Variants in SMARCA2 observed in about 807,000 individuals in gnomAD.
The protein encoded by SMARCA2 is SWI/SNF related BAF chromatin remodeling complex subunit ATPase 2, also known as SWI/SNF-related matrix-associated actin-dependent regulator of chromatin subfamily A member 2.
SMARCA2 carries 61 observed loss-of-function variants against 199.8 expected under a neutral mutation model. That is an observed-to-expected ratio of 0.31 (90% CI 0.25 to 0.38). The LOEUF is 0.38. Ranked by LOEUF, SMARCA2 falls within the 10% of genes least tolerant of loss-of-function variation. The pLI, the probability that SMARCA2 is intolerant of heterozygous loss-of-function variation, is 1.00. For missense variants in SMARCA2, 1,344 were observed against 2,012.2 expected, an observed-to-expected ratio of 0.67 and a Z score of 6.35; for synonymous variants, 935 against 732.0, an observed-to-expected ratio of 1.28 and a Z score of -4.48.
chr9:2,145,754 G>C (rs747122421), intron 27 of SMARCA2, among the ~76,000 whole-genome samples: 1 of 152,218 alleles, frequency 6.6e-6, no homozygotes, highest in Non-Finnish European at 1.5e-5. Context: ...TGTTTTTACA[G>C]TATCTAGTTT....
chr9:2,053,580 A>C (rs1380278915), intron 5 of SMARCA2, among the ~76,000 whole-genome samples: 1 of 152,212 alleles, frequency 6.6e-6, no homozygotes, highest in African/African-American at 2.4e-5. Flanking sequence ...AGAGAGAGAC[A>C]ATTAAATAAC....
At chr9:2,059,842 TG>T (rs1262580820) in intron 8 of SMARCA2, among the ~76,000 whole-genome samples, 1 of 152,180 alleles carries the variant, frequency 6.6e-6, no homozygotes, top group Non-Finnish European at 1.5e-5. Flanking sequence ...GCAATGGAGT[TG>T]CCTCTTAAAG....
At chr9:2,099,183 T>G (rs1249395205) in intron 21 of SMARCA2, among the ~76,000 whole-genome samples, 1 of 152,204 alleles carries the variant, frequency 6.6e-6, no homozygotes, top group East Asian at 1.9e-4. Context: ...ACTGATGATG[T>G]GTTATATCAG....
rs373813984 is a variant in SMARCA2, at chr9:2,163,660, G to A, written c.4199+1757G>A. Among the ~76,000 whole-genome samples, 8 of 152,316 alleles carry A rather than the reference G, an allele frequency of 5.3e-5. 1 individual carries two copies. The East Asian group carries it at 1.5e-3, about 29-fold the overall frequency. ...TTTTTTGCCTTTGTCTCAGGAGAGT[G>A]TAACGTCTGTTTCTCTGACCAGATG... On this transcript the variant is annotated intron_variant, in intron 28 of 33. Transcript: ENST00000349721.
rs759294870 is a variant in SMARCA2, at chr9:2,170,446, T to C, written c.4227T>C (p.Asn1409=). 6.2e-7 allele frequency: 1 copy of C among 1,614,072 alleles called. No homozygotes were observed. Among genetic ancestry groups the C allele is most frequent in the Non-Finnish European group, 8.5e-7 (1 of 1,179,990 alleles). The change falls in exon 29 of 34, where the codon AAT becomes AAC. Residue 1409 remains asparagine, a synonymous_variant. Coordinates refer to ENST00000349721, the MANE Select transcript of SMARCA2 (RefSeq NM_003070.5). This position sits in a 1 kb window ranked among gnomAD's most constrained non-coding sequence, Gnocchi z 4.7. ...DRCNVEKVPS[N]SQLEIEGNSS... Reference sequence around the variant, plus strand: ...GTAACGTGGAGAAGGTGCCCAGTAATTCTCAGTTGGAAATAGAAGGAAACA... The same window carrying C: ...GTAACGTGGAGAAGGTGCCCAGTAACTCTCAGTTGGAAATAGAAGGAAACA...
intron 27 of SMARCA2, among the ~76,000 whole-genome samples, chr9:2,147,373 G>T (rs1586754334): frequency 6.6e-6 from 1 of 152,012 alleles, no homozygotes; most frequent in East Asian, 1.9e-4. Flanking sequence ...ATTCATTAGG[G>T]TGAGAAAATA....
intron 21 of SMARCA2, among the ~76,000 whole-genome samples, chr9:2,100,723 T>C (rs1348776957): frequency 6.6e-6 from 1 of 151,638 alleles, no homozygotes; most frequent in African/African-American, 2.4e-5. Context: ...AAAGAAAAGA[T>C]TTCACCGAAC....
chr9:2,180,284 C>T (rs993286257), intron 29 of SMARCA2, among the ~76,000 whole-genome samples: 3 of 152,148 alleles, frequency 2.0e-5, no homozygotes, highest in East Asian at 3.9e-4. Flanking sequence ...AAAAACTAGC[C>T]CATCTCTTTG....
rs542649910 is a variant in SMARCA2, at chr9:2,080,885, C to G, written c.2185-947C>G. On this transcript the variant is annotated intron_variant, in intron 14 of 33. Transcript: ENST00000349721. Reference sequence around the variant, plus strand: ...ATTGTTTTCTCTTTTATTTGAGCTTCTGAAGGGAGGCATGCATCTTACAGA... The same window carrying G: ...ATTGTTTTCTCTTTTATTTGAGCTTGTGAAGGGAGGCATGCATCTTACAGA... Among the ~76,000 whole-genome samples, 8 of 152,320 alleles carry G rather than the reference C, an allele frequency of 5.3e-5. No homozygotes were observed. In the South Asian group the frequency reaches 8.3e-4, roughly 16 times the overall value.
intron 29 of SMARCA2, among the ~76,000 whole-genome samples, chr9:2,172,195 TGCTTCAGTGGTCAAAAGAG>T (rs1826285491): frequency 6.6e-6 from 1 of 152,012 alleles, no homozygotes; most frequent in Non-Finnish European, 1.5e-5. Flanking sequence ...AAAAAATCTT[TGCTTCAGTGGTCAAAAGAG>T]GCTCTTTGTA....
At chr9:2,143,998 A>T (rs1201696002) in intron 27 of SMARCA2, among the ~76,000 whole-genome samples, 2 of 152,282 alleles carry the variant, frequency 1.3e-5, no homozygotes, top group African/African-American at 4.8e-5. Flanking sequence ...GGGAACTCAC[A>T]GGAGGATGAT....
chr9:2,100,942 A>G (rs1213876421), intron 21 of SMARCA2, among the ~76,000 whole-genome samples: 1 of 152,136 alleles, frequency 6.6e-6, no homozygotes, highest in Non-Finnish European at 1.5e-5. Context: ...AACGTCTTAC[A>G]TGGTGGCAGA....
chr9:2,181,546 T>G (rs1433552433), intron 29 of SMARCA2, 25 bp from the exon 30 acceptor site: 2 of 1,166,140 alleles, frequency 1.7e-6, no homozygotes, highest in East Asian at 2.3e-5. Context: ...GTGGCTTGTT[T>G]TTGTTTGTTT....
chr9:2,038,578 T>C (rs1188655457), intron 3 of SMARCA2, among the ~76,000 whole-genome samples: 1 of 152,200 alleles, frequency 6.6e-6, no homozygotes, highest in East Asian at 1.9e-4. Flanking sequence ...CTGAAATAAT[T>C]TGGAGGCAAG....
chr9:2,159,032 C>T (rs1825526230), intron 27 of SMARCA2: 25 of 1,599,280 alleles, frequency 1.6e-5, no homozygotes, highest in East Asian at 4.5e-5. Flanking sequence ...TAATAAGAAT[C>T]TGCACGTATT....
At position 2,120,087 on chromosome 9, in the gene SMARCA2, C is replaced by G. The variant is rs532353967; in HGVS notation, c.3762+552C>G. 2.0e-5 allele frequency among the ~76,000 whole-genome samples: 3 copies of G among 152,314 alleles called. No homozygotes were observed. In the South Asian group the frequency reaches 6.2e-4, roughly 32 times the overall value. ...CCTTTTCAGATTGTTGACGAGAGCCCGCTTAAATGAATGGGAACCTTCAAG... is the reference window on the plus strand; with the variant it reads ...CCTTTTCAGATTGTTGACGAGAGCCGGCTTAAATGAATGGGAACCTTCAAG... On this transcript the variant is annotated intron_variant, in intron 26 of 33. Coordinates refer to ENST00000349721, the MANE Select transcript of SMARCA2 (RefSeq NM_003070.5).
intron 27 of SMARCA2, chr9:2,159,679 G>C (rs532203477): frequency 9.1e-7 from 1 of 1,104,584 alleles, no homozygotes; most frequent in Non-Finnish European, 1.3e-6. Flanking sequence ...GGAAGCCTTC[G>C]GGCCTTGTAG....
chr9:2,063,872 T>A (rs940826272), intron 9 of SMARCA2, among the ~76,000 whole-genome samples: 11 of 152,188 alleles, frequency 7.2e-5, no homozygotes, highest in African/African-American at 2.7e-4. Flanking sequence ...AATTTTCTCA[T>A]CATTACAGAC....
At chr9:2,047,171 G>T in intron 4 of SMARCA2, 58 bp from the exon 5 acceptor site, 1 of 1,015,248 alleles carries the variant, frequency 9.8e-7, no homozygotes, top group East Asian at 8.2e-5. Flanking sequence ...GGGCAGGCCG[G>T]GTGTGGCCCG....
Sources: allele counts gnomAD v4.1 joint callset (sites outside exome capture counted in the v4.1 genomes callset), GRCh38; gene constraint gnomAD v4.1.1; non-coding constraint Gnocchi (gnomAD v3.1); transcripts MANE v1.5; gene names NCBI Gene and HGNC (gene_info 2026-07-23, HGNC 2026-07-21).